CRHR2: variants seen among roughly 807,000 people sequenced by gnomAD.
The protein encoded by CRHR2 is corticotropin-releasing hormone receptor 2.
CRHR2 carries 53 observed loss-of-function variants against 57.9 expected under a neutral mutation model. That is an observed-to-expected ratio of 0.92 (90% CI 0.73 to 1.15). The LOEUF (loss-of-function observed/expected upper bound fraction) is 1.15. Among genes scored for constraint, CRHR2 ranks in the 50% most tolerant of loss-of-function variants. The pLI is 0.00. For missense variants in CRHR2, 532 were observed against 542.6 expected, an observed-to-expected ratio of 0.98 and a Z score of 0.19; for synonymous variants, 213 against 220.9, an observed-to-expected ratio of 0.96 and a Z score of 0.32.
chr7:30,693,863 G>T (rs1035648319), intron 1 of CRHR2, among the ~76,000 whole-genome samples: 2 of 152,226 alleles, frequency 1.3e-5, no homozygotes, highest in African/African-American at 4.8e-5. Context: ...GGTGTCAGAG[G>T]TGTGTAAGAG....
chr7:30,691,088 G>A (rs959062293), intron 1 of CRHR2, among the ~76,000 whole-genome samples: 2 of 152,200 alleles, frequency 1.3e-5, no homozygotes, highest in African/African-American at 2.4e-5. Flanking sequence ...CCAGGGGTTG[G>A]GGGGCTGGGG....
intron 2 of CRHR2, among the ~76,000 whole-genome samples, chr7:30,680,959 G>A (rs186836848): frequency 2.0e-5 from 3 of 152,104 alleles, no homozygotes; most frequent in African/African-American, 4.8e-5. Context: ...GGGTCTCAGC[G>A]TGCTTGACAA....
chr7:30,660,411 T>A (rs1413711791), intron 8 of CRHR2, among the ~76,000 whole-genome samples, 162 bp downstream of exon 8: 1 of 152,092 alleles, frequency 6.6e-6, no homozygotes, highest in Non-Finnish European at 1.5e-5. Context: ...GAAGGCCGGG[T>A]GGTGCTGGGG....
chr7:30,667,258 G>A lies in CRHR2; in HGVS notation c.285C>T (p.Tyr95=), dbSNP rs751112198. Residue 95 remains tyrosine, a synonymous_variant, in exon 3 of 12, where the codon TAC becomes TAT. Transcript: ENST00000471646. The stretch of plus-strand genomic sequence containing the variant: ...CATCCAAAATGGGCTCACACTGTGA[G>A]TAGTTGATCTTTGAGGCCCACGTCC... ...ENGTWASKIN[Y]SQCEPILDDK... 6.2e-7 allele frequency: 1 copy of A among 1,614,188 alleles called. No homozygotes were observed. Among genetic ancestry groups the A allele is most frequent in the Non-Finnish European group, 8.5e-7 (1 of 1,180,038 alleles).
intron 2 of CRHR2, among the ~76,000 whole-genome samples, chr7:30,672,299 T>C (rs1056094837): frequency 6.6e-6 from 1 of 152,216 alleles, no homozygotes; most frequent in Non-Finnish European, 1.5e-5. Flanking sequence ...CACTGACCCC[T>C]ATAAAGGTGT....
chr7:30,661,931 G>A (rs1211737970), intron 7 of CRHR2, among the ~76,000 whole-genome samples: 2 of 152,190 alleles, frequency 1.3e-5, no homozygotes, highest in East Asian at 3.9e-4. Context: ...GGCACTTCAA[G>A]GAACCACAAT....
intron 1 of CRHR2, among the ~76,000 whole-genome samples, chr7:30,694,671 G>A (rs534336314): frequency 1.3e-5 from 2 of 152,218 alleles, no homozygotes; most frequent in South Asian, 2.1e-4. Context: ...AGCTGGGAGG[G>A]GCAGCATTCC....
At chr7:30,660,504 T>A in intron 8 of CRHR2, 69 bp downstream of exon 8, 2 of 1,483,726 alleles carry the variant, frequency 1.3e-6, no homozygotes, top group Non-Finnish European at 9.2e-7. Flanking sequence ...TCCCAGCGTC[T>A]CTGCCTGGGT....
At chr7:30,664,505 A>G (rs1177754022) in intron 5 of CRHR2, among the ~76,000 whole-genome samples, 1 of 152,174 alleles carries the variant, frequency 6.6e-6, no homozygotes, top group African/African-American at 2.4e-5. Flanking sequence ...GGTTAGTTCT[A>G]GCTTCCTTTT....
At position 30,669,331 on chromosome 7, in the gene CRHR2, C is replaced by T. The variant is rs553737775; in HGVS notation, c.230-2018G>A. ...CTGAGCCCCACACTCCAGCCCTTGC[C>T]CCATGACCAGCCTGGAGCTGTCTAG... On this transcript the variant is annotated intron_variant, in intron 2 of 11. Transcript: ENST00000471646. Among the ~76,000 whole-genome samples, 159 of 152,280 alleles carry T rather than the reference C, an allele frequency of 1.0e-3. 2 individuals carry two copies. In the South Asian group the frequency reaches 0.017, roughly 17 times the overall value.
intron 1 of CRHR2, among the ~76,000 whole-genome samples, chr7:30,694,664 T>C (rs1335387298): frequency 6.6e-6 from 1 of 152,092 alleles, no homozygotes; most frequent in Non-Finnish European, 1.5e-5. Context: ...AGGACTCAGC[T>C]GGGAGGGGCA....
intron 6 of CRHR2, 101 bp from the exon 7 acceptor site, chr7:30,662,317 A>G (rs572318085): frequency 5.1e-6 from 7 of 1,382,854 alleles, no homozygotes; most frequent in East Asian, 4.6e-5. Context: ...TCATGTTTTT[A>G]CTCTTCCAAC....
At chr7:30,685,523 G>C (rs1457684838), upstream of CRHR2, among the ~76,000 whole-genome samples, 1 of 152,150 alleles carries the variant, frequency 6.6e-6, no homozygotes, top group Admixed American at 6.5e-5. Flanking sequence ...TTCCAGAGGG[G>C]CCTGAAGGTG....
rs993826904 is a variant in CRHR2 at position 30,691,893 on chromosome 7, G to C, written c.-260-2609C>G. Among the ~76,000 whole-genome samples the C allele has an allele frequency of 2.0e-5, 3 of 152,308 alleles. No individual in the cohort carries two copies. In the East Asian group the frequency reaches 5.8e-4, roughly 29 times the overall value. ...GGAGGAGGAGGAAAGAGAGGCTGCT[G>C]TCCTCAGAAAACACATGGTCCAGGA... On this transcript the variant is annotated intron_variant, in intron 1 of 13. Transcript: ENST00000341843.
chr7:30,665,530 C>G lies in CRHR2; in HGVS notation c.425G>C (p.Arg142Pro). ...VAAFLLFLAL[R>P]SIRCLRNVIH... ...AAGCAAGGCGGAAGGGCAGACTCAC[C>G]GCAGGGCCAGGAAAAGCAGGAAGGC... Residue 142 changes from arginine to proline, a missense_variant and splice_region_variant, in exon 4 of 12, where the codon CGG (arginine) becomes CCG (proline). By Grantham distance (103) the Arg-to-Pro change is moderately radical. Transcript: ENST00000471646. This position sits in a 1 kb window ranked among gnomAD's most constrained non-coding sequence, Gnocchi z 4.5. 3.2e-6 allele frequency: 5 copies of G among 1,556,072 alleles called. No homozygotes were observed. Among genetic ancestry groups the G allele is most frequent in the Non-Finnish European group, 4.4e-6 (5 of 1,149,248 alleles).
intron 2 of CRHR2, among the ~76,000 whole-genome samples, chr7:30,681,602 C>T (rs1213738420): frequency 1.3e-5 from 2 of 152,204 alleles, no homozygotes; most frequent in Non-Finnish European, 2.9e-5. Flanking sequence ...CTTCAGGCAA[C>T]GGGAACCTAC....
chr7:30,694,349 A>G (rs1332593260), intron 1 of CRHR2, among the ~76,000 whole-genome samples: 1 of 152,090 alleles, frequency 6.6e-6, no homozygotes, highest in East Asian at 1.9e-4. Flanking sequence ...CTGGCTGGGG[A>G]AGGATGCAGG....
chr7:30,676,411 G>T (rs1171109490), intron 2 of CRHR2, among the ~76,000 whole-genome samples: 1 of 152,166 alleles, frequency 6.6e-6, no homozygotes, highest in Non-Finnish European at 1.5e-5. Flanking sequence ...TGAGAATGCA[G>T]ACCTGAGTTT....
At chr7:30,660,471 C>T (rs1365624367) in intron 8 of CRHR2, 102 bp downstream of exon 8, 1 of 1,216,334 alleles carries the variant, frequency 8.2e-7, no homozygotes, top group African/African-American at 1.5e-5. Context: ...AGTGTGTGCG[C>T]AGGGCTGCCC....
Sources: gnomAD v4.1 joint callset for allele counts (sites outside exome capture counted in the v4.1 genomes callset) on GRCh38, gnomAD v4.1.1 for gene constraint, Gnocchi (gnomAD v3.1) non-coding constraint, MANE v1.5 for transcripts, NCBI Gene and HGNC (gene_info 2026-07-23, HGNC 2026-07-21) for gene names.